The following FAT3 variants were observed in gnomAD, a reference collection of about 807,000 sequenced individuals.
FAT3 encodes the protein FAT atypical cadherin 3.
A neutral mutation model predicts 310.2 loss-of-function variants in FAT3; 95 were observed. That is an observed-to-expected ratio of 0.31 (90% confidence interval 0.26 to 0.36). The LOEUF (loss-of-function observed/expected upper bound fraction) is 0.36. FAT3 is among the 10% of genes least tolerant of loss of function. The pLI is 1.00. For synonymous variants in FAT3, 2,314 were observed against 2,192.9 expected (o/e 1.06, Z -1.54); for missense variants, 5,408 against 5,715.6 (o/e 0.95, Z 1.74).
At chr11:92,415,532 G>T (rs1000009830) in intron 2 of FAT3, among the ~76,000 whole-genome samples, 2 of 152,130 alleles carry the variant, frequency 1.3e-5, no homozygotes, top group African/African-American at 4.8e-5. Flanking sequence ...GAAATGTGGG[G>T]CCTTATTAGA....
intron 2 of FAT3, among the ~76,000 whole-genome samples, chr11:92,407,708 G>T (rs1420535742): frequency 6.6e-6 from 1 of 152,114 alleles, no homozygotes; most frequent in Non-Finnish European, 1.5e-5. Flanking sequence ...GGTCATAAAT[G>T]GATTTTTCTT....
chr11:92,299,787 A>G (rs1358266094), intron 1 of FAT3, among the ~76,000 whole-genome samples: 1 of 151,722 alleles, frequency 6.6e-6, no homozygotes, highest in African/African-American at 2.4e-5. Flanking sequence ...AGCTGTCAGT[A>G]CTACCAATAT....
At chr11:92,851,976 A>C (rs1416271213) in intron 19 of FAT3, among the ~76,000 whole-genome samples, 1 of 152,156 alleles carries the variant, frequency 6.6e-6, no homozygotes, top group Non-Finnish European at 1.5e-5. Flanking sequence ...TGACAGAAAC[A>C]TGTGATTTCT....
chr11:92,501,525 T>C lies in FAT3; in HGVS notation c.3293-23109T>C, dbSNP rs530470531. 7.9e-5 allele frequency among the ~76,000 whole-genome samples: 12 copies of C among 152,198 alleles called. No homozygotes were observed. The South Asian group carries it at 2.1e-3, about 26-fold the overall frequency. ...TAATGCCATTAAATGGCGGTATTCATGTGTGAAAGCCGTCTAGTAACTACT... is the reference window on the plus strand; with the variant it reads ...TAATGCCATTAAATGGCGGTATTCACGTGTGAAAGCCGTCTAGTAACTACT... On this transcript the variant is annotated intron_variant, in intron 2 of 27. Transcript: ENST00000525166.
intron 3 of FAT3, among the ~76,000 whole-genome samples, chr11:92,587,085 A>G (rs1329636265): frequency 6.6e-6 from 1 of 151,968 alleles, no homozygotes; most frequent in Non-Finnish European, 1.5e-5. Context: ...CTCGTCACTG[A>G]CTTTCTTTTA....
At chr11:92,688,909 A>G (rs1190109400) in intron 3 of FAT3, among the ~76,000 whole-genome samples, 1 of 152,228 alleles carries the variant, frequency 6.6e-6, no homozygotes, top group African/African-American at 2.4e-5. Flanking sequence ...CTGTCAGATG[A>G]CAGAGTGAGT....
chr11:92,266,296 T>C (rs1190417342), intron 1 of FAT3, among the ~76,000 whole-genome samples: 1 of 152,162 alleles, frequency 6.6e-6, no homozygotes. Context: ...AAAAAGTGTC[T>C]AAATACCCTC....
At chr11:92,819,582 C>T (rs770643805) in intron 13 of FAT3, among the ~76,000 whole-genome samples, 1 of 152,160 alleles carries the variant, frequency 6.6e-6, no homozygotes, top group Non-Finnish European at 1.5e-5. Flanking sequence ...GATCACCTCT[C>T]AGAATAATAT....
intron 3 of FAT3, among the ~76,000 whole-genome samples, chr11:92,623,137 A>G (rs998542003): frequency 6.8e-6 from 1 of 148,000 alleles, no homozygotes; most frequent in Non-Finnish European, 1.5e-5. Flanking sequence ...AAATGCAAAC[A>G]CTTTCTATCA....
At chr11:92,820,701 A>G (rs1196698770) in intron 13 of FAT3, among the ~76,000 whole-genome samples, 1 of 152,152 alleles carries the variant, frequency 6.6e-6, no homozygotes, top group Non-Finnish European at 1.5e-5. Flanking sequence ...CTCAAGAGAA[A>G]TGCTGAGCCA....
chr11:92,808,446 C>T (rs1006603585), intron 12 of FAT3, among the ~76,000 whole-genome samples: 7 of 152,150 alleles, frequency 4.6e-5, no homozygotes, highest in African/African-American at 1.2e-4. Flanking sequence ...GAGAGCATAG[C>T]GCATCCAGGT....
intron 2 of FAT3, among the ~76,000 whole-genome samples, chr11:92,407,058 T>C (rs1253152769): frequency 6.6e-6 from 1 of 152,154 alleles, no homozygotes; most frequent in Non-Finnish European, 1.5e-5. Flanking sequence ...TGTTTTAAGG[T>C]GAAACTCAAT....
chr11:92,886,760 C>T, intron 24 of FAT3: 2 of 448,252 alleles, frequency 4.5e-6, no homozygotes, highest in Non-Finnish European at 8.0e-6. Context: ...TTTTGGCTGT[C>T]AGCTGTTTGG....
intron 21 of FAT3, among the ~76,000 whole-genome samples, chr11:92,863,111 T>C (rs1216914021): frequency 6.6e-6 from 1 of 152,184 alleles, no homozygotes; most frequent in East Asian, 1.9e-4. Context: ...GTATTTTTGT[T>C]TGTGGGTTTT....
At chr11:92,237,373 T>C (rs2134243294) in intron 1 of FAT3, among the ~76,000 whole-genome samples, 1 of 152,172 alleles carries the variant, frequency 6.6e-6, no homozygotes, top group South Asian at 2.1e-4. Flanking sequence ...GTGTAGATGA[T>C]ACACTGGTGA....
intron 2 of FAT3, among the ~76,000 whole-genome samples, chr11:92,369,883 A>T (rs1183155931): frequency 6.6e-6 from 1 of 152,126 alleles, no homozygotes; most frequent in Non-Finnish European, 1.5e-5. Flanking sequence ...CAAGTTCAAT[A>T]AGTATGGAGC....
chr11:92,739,474 G>A (rs1945444816), intron 4 of FAT3, among the ~76,000 whole-genome samples: 1 of 152,032 alleles, frequency 6.6e-6, no homozygotes, highest in East Asian at 1.9e-4. Context: ...TTTTAATGTA[G>A]CAAAATTCTA....
At chr11:92,285,904 T>C (rs1657263845) in intron 1 of FAT3, among the ~76,000 whole-genome samples, 1 of 152,130 alleles carries the variant, frequency 6.6e-6, no homozygotes, top group African/African-American at 2.4e-5. Flanking sequence ...TGTTCCACCT[T>C]GTTTCCTACT....
intron 7 of FAT3, among the ~76,000 whole-genome samples, chr11:92,783,463 G>T (rs1055283055): frequency 3.3e-4 from 48 of 144,584 alleles, no homozygotes; most frequent in African/African-American, 1.2e-3. Context: ...AAATAAGGCA[G>T]CAAGCCAAAT....
Sources: gnomAD v4.1 joint callset for allele counts (sites outside exome capture counted in the v4.1 genomes callset) on GRCh38, gnomAD v4.1.1 for gene constraint, MANE v1.5 for transcripts, NCBI Gene and HGNC (gene_info 2026-07-23, HGNC 2026-07-21) for gene names.